STEAP2: variants seen among roughly 807,000 people sequenced by gnomAD.
STEAP2 encodes metalloreductase STEAP2.
Under a neutral mutation model 46.4 loss-of-function variants are expected in STEAP2, and 30 were observed. That is an observed-to-expected ratio of 0.65 (90% CI 0.48 to 0.88). STEAP2 has a LOEUF of 0.88. Ranked by LOEUF, STEAP2 falls within the 40% of genes least tolerant of loss-of-function variation. The pLI is 0.00. For synonymous variants in STEAP2, 180 were observed against 200.5 expected (o/e 0.90, Z 0.86); for missense variants, 513 against 579.3 (o/e 0.89, Z 1.18).
intron 1 of STEAP2, chr7:90,213,908 G>A (rs1794914167): frequency 6.6e-6 from 1 of 152,212 alleles, no homozygotes; most frequent in Non-Finnish European, 1.5e-5. Flanking sequence ...GAATGCTGTG[G>A]GTGGACAATA....
In STEAP2 at chr7:90,236,519, A is replaced by G. The variant is rs966575919; in HGVS notation, c.*3895A>G. On this transcript the variant is annotated 3_prime_UTR_variant, in exon 6 of 6. Transcript: ENST00000394621. ...AAATTCTGATGTACATTCAGGACAA[A>G]TGATTAGCCCTAAATGAAACTGTAA... 4.9e-5 allele frequency: 50 copies of G among 1,018,348 alleles called. No individual in the cohort carries two copies. In the Admixed American group the frequency reaches 1.3e-3, roughly 26 times the overall value. 63.1% of individuals were successfully genotyped at this position (1,018,348 alleles called of 1,614,324 possible). A position where few individuals can be genotyped will look rare whatever the true frequency, so the allele number is the denominator to read the frequency against.
chr7:90,226,526 G>A (rs1795495590), intron 3 of STEAP2, among the ~76,000 whole-genome samples: 1 of 152,066 alleles, frequency 6.6e-6, no homozygotes, highest in African/African-American at 2.4e-5. Context: ...AATAGGATTT[G>A]TCATTCATCT....
At position 90,216,548 on chromosome 7, in the gene STEAP2, T is replaced by C. The variant is rs1191035454; in HGVS notation, c.-89T>C. 1.3e-5 allele frequency: 2 copies of C among 152,166 alleles called. No individual in the cohort carries two copies. The highest frequency in any genetic ancestry group is 2.9e-5 in the Non-Finnish European group (2 of 68,024). 9.4% of individuals were successfully genotyped at this position (152,166 alleles called of 1,614,324 possible). A position where few individuals can be genotyped will look rare whatever the true frequency, so the allele number is the denominator to read the frequency against. ...TGGACCTTCTGATACTGCTCCTCCT[T>C]GCGTGGAAAAGGGGAAAGAACTGCA... is the stretch of plus-strand genomic sequence containing the variant. On this transcript the variant is annotated 5_prime_UTR_variant, in exon 2 of 6. Coordinates refer to ENST00000394621, the MANE Select transcript of STEAP2 (RefSeq NM_001244944.2).
Position 90,233,700 on chromosome 7 carries a change from G to A in STEAP2, c.*1076G>A. 1.1e-6 allele frequency: 1 copy of A among 945,626 alleles called. No homozygotes were observed. The highest frequency in any genetic ancestry group is 1.3e-6 in the Non-Finnish European group (1 of 793,968). 58.6% of individuals were successfully genotyped at this position (945,626 alleles called of 1,614,324 possible). Reference sequence around the variant, plus strand: ...TCAAAGGTCTTGCAGTTAATAAATGGCAGAGTGAGCATTCAAGTCCAGGTA... The same window carrying A: ...TCAAAGGTCTTGCAGTTAATAAATGACAGAGTGAGCATTCAAGTCCAGGTA... On this transcript the variant is annotated 3_prime_UTR_variant, in exon 6 of 6. Coordinates refer to ENST00000394621, the MANE Select transcript of STEAP2 (RefSeq NM_001244944.2).
rs759585571 is a variant in STEAP2 at position 90,225,317 on chromosome 7, C to G, written c.235C>G (p.His79Asp). The G allele has an allele frequency of 5.6e-6, 9 of 1,613,982 alleles. No individual in the cohort carries two copies. The highest frequency in any genetic ancestry group is 6.8e-6 in the Non-Finnish European group (8 of 1,179,950). The change falls in exon 3 of 6, where the codon CAT becomes GAT. Residue 79 changes from histidine to aspartate, a missense_variant. Coordinates refer to ENST00000394621, the MANE Select transcript of STEAP2 (RefSeq NM_001244944.2). ...TCCTCATGTGGTAGATGTCACTCAT[C>G]ATGAAGATGCTCTCACAAAAACAAA... Reference protein sequence around the residue: ...FFPHVVDVTHHEDALTKTNII... With the variant: ...FFPHVVDVTHDEDALTKTNII...
chr7:90,217,727 C>A (rs72615118), intron 2 of STEAP2, among the ~76,000 whole-genome samples: 85 of 79,750 alleles, frequency 1.1e-3, no homozygotes, highest in East Asian at 4.4e-3. Context: ...AAAAAAAAAA[C>A]ATGTGAGGAC....
chr7:90,212,109 G>C (rs1006620395), intron 1 of STEAP2, 64 bp downstream of exon 1: 2 of 152,464 alleles, frequency 1.3e-5, no homozygotes, highest in African/African-American at 4.8e-5. Context: ...TCAAGATGCA[G>C]TCTGCGCCAC....
Position 90,232,612 on chromosome 7 carries a change from C to T in STEAP2, c.1461C>T (p.Val487=). Residue 487 remains valine, a synonymous_variant, in exon 6 of 6, where the codon GTC becomes GTT. Transcript: ENST00000394621. ...TTCCTCATGTCTCCCCGGAGAGGGTCACAGTAATGTGATGACAAATGGTGT... is the reference window on the plus strand; with the variant it reads ...TTCCTCATGTCTCCCCGGAGAGGGTTACAGTAATGTGATGACAAATGGTGT... ...GTIPHVSPER[V]TVM is the part of the protein sequence containing the mutation. 1 of 1,609,952 alleles carries T rather than the reference C, an allele frequency of 6.2e-7. No homozygotes were observed. The highest frequency in any genetic ancestry group is 8.5e-7 in the Non-Finnish European group (1 of 1,177,810).
rs1378445697 is a variant in STEAP2 at position 90,234,018 on chromosome 7, TAAC to T, written c.*1397_*1399del. 1.0e-6 allele frequency: 1 copy of T among 985,278 alleles called. No homozygotes were observed. Among genetic ancestry groups the T allele is most frequent in the Non-Finnish European group, 1.2e-6 (1 of 829,934 alleles). The allele number at this position is 985,278 out of a possible 1,614,324, so 61.0% of individuals were successfully genotyped here. A position where few individuals can be genotyped will look rare whatever the true frequency, so the allele number is the denominator to read the frequency against. ...ATGCAGTGAAGGGCCCTAGCAGTGT[TAAC>T]AAATTGCTGAGATCCCACGGAGTCT... is the stretch of plus-strand genomic sequence containing the variant. On this transcript the variant is annotated 3_prime_UTR_variant, in exon 6 of 6. Transcript: ENST00000394621.
intron 2 of STEAP2, among the ~76,000 whole-genome samples, chr7:90,222,598 G>A (rs1291148627): frequency 6.6e-6 from 1 of 152,068 alleles, no homozygotes; most frequent in Admixed American, 6.6e-5. Context: ...TACAAAGTGG[G>A]TATGACAGTA....
Position 90,233,903 on chromosome 7 carries a change from A to C in STEAP2, c.*1279A>C, listed in dbSNP as rs1271015108. 1 of 984,808 alleles carries C rather than the reference A, an allele frequency of 1.0e-6. No homozygotes were observed. The highest frequency in any genetic ancestry group is 1.1e-4 in the East Asian group (1 of 8,824). 61.0% of individuals were successfully genotyped at this position (984,808 alleles called of 1,614,324 possible). On this transcript the variant is annotated 3_prime_UTR_variant, in exon 6 of 6. Coordinates refer to ENST00000394621, the MANE Select transcript of STEAP2 (RefSeq NM_001244944.2). The stretch of plus-strand genomic sequence containing the variant: ...ATAAAAATATTATTATAATAAACTT[A>C]TTACTGCTTGTAGGGTAATTCACAG...
Position 90,235,435 on chromosome 7 carries a change from T to C in STEAP2, c.*2811T>C, listed in dbSNP as rs971324934. The C allele has an allele frequency of 1.1e-4, 105 of 983,662 alleles. No homozygotes were observed. The highest frequency in any genetic ancestry group is 1.3e-4 in the Non-Finnish European group (104 of 828,426). The allele number at this position is 983,662 out of a possible 1,614,324, so 60.9% of individuals were successfully genotyped here. A position where few individuals can be genotyped will look rare whatever the true frequency, so the allele number is the denominator to read the frequency against. On this transcript the variant is annotated 3_prime_UTR_variant, in exon 6 of 6. Transcript: ENST00000394621. ...TCTTAATTGTTATTTTTTATAATCA[T>C]TATTTTTCTGAACCATTCTTCTGGC...
Position 90,227,416 on chromosome 7 carries a change from C to G in STEAP2, c.938C>G (p.Ala313Gly), listed in dbSNP as rs766811332. 1.4e-5 allele frequency: 23 copies of G among 1,612,568 alleles called. No individual in the cohort carries two copies. The highest frequency in any genetic ancestry group is 1.7e-4 in the Middle Eastern group (1 of 6,046). Residue 313 changes from alanine to glycine, a missense_variant, in exon 4 of 6, where the codon GCT (alanine) becomes GGT (glycine). Coordinates refer to ENST00000394621, the MANE Select transcript of STEAP2 (RefSeq NM_001244944.2). The stretch of plus-strand genomic sequence containing the variant: ...CTTGGATTACTAAGTTTTTTCTTCG[C>G]TATGGTCCATGTTGCCTACAGCCTC... ...KQLGLLSFFF[A>G]MVHVAYSLCL... is the part of the protein sequence containing the mutation.
Position 90,227,425 on chromosome 7 carries a change from A to G in STEAP2, c.947A>G (p.His316Arg), listed in dbSNP as rs757224618. The G allele has an allele frequency of 3.1e-6, 5 of 1,611,278 alleles. No homozygotes were observed. The highest frequency in any genetic ancestry group is 2.2e-5 in the East Asian group (1 of 44,792). Residue 316 changes from histidine (H) to arginine (R), a missense_variant, in exon 4 of 6, where the codon CAT (histidine) becomes CGT (arginine). Transcript: ENST00000394621. ...CTAAGTTTTTTCTTCGCTATGGTCC[A>G]TGTTGCCTACAGCCTCTGCTTACCG... Reference protein sequence around the residue: ...GLLSFFFAMVHVAYSLCLPMR... With the variant: ...GLLSFFFAMVRVAYSLCLPMR...
intron 2 of STEAP2, among the ~76,000 whole-genome samples, chr7:90,218,211 T>C (rs1795109886): frequency 1.3e-5 from 2 of 152,174 alleles, no homozygotes; most frequent in South Asian, 4.1e-4. Context: ...TTCTATTCAA[T>C]AGGTGGTCTC....
chr7:90,224,597 T>G (rs1004257504), intron 2 of STEAP2, among the ~76,000 whole-genome samples: 1 of 152,176 alleles, frequency 6.6e-6, no homozygotes, highest in Non-Finnish European at 1.5e-5. Context: ...AGCCAAGTAG[T>G]CTCCTGGGCT....
Position 90,235,034 on chromosome 7 carries a change from A to T in STEAP2, c.*2410A>T. The T allele has an allele frequency of 1.0e-6, 1 of 952,842 alleles. No individual in the cohort carries two copies. Among genetic ancestry groups the T allele is most frequent in the Non-Finnish European group, 1.2e-6 (1 of 800,026 alleles). 59.0% of individuals were successfully genotyped at this position (952,842 alleles called of 1,614,324 possible). On this transcript the variant is annotated 3_prime_UTR_variant, in exon 6 of 6. Transcript: ENST00000394621. Reference sequence around the variant, plus strand: ...AACAGCGTATTTTCAATATTTTCTTATTCCTTAAATTCCACTCTTTTAACA... The same window carrying T: ...AACAGCGTATTTTCAATATTTTCTTTTTCCTTAAATTCCACTCTTTTAACA...
chr7:90,237,803 TC>T (rs1403232570), downstream of STEAP2: 1 of 257,654 alleles, frequency 3.9e-6, no homozygotes, highest in African/African-American at 2.2e-5. Context: ...TAGAAAAACC[TC>T]CATTTACATT....
chr7:90,232,603 G>A lies in STEAP2; in HGVS notation c.1452G>A (p.Pro484=), dbSNP rs201134508. 179 of 1,611,776 alleles carry A rather than the reference G, an allele frequency of 1.1e-4. No individual in the cohort carries two copies. Among genetic ancestry groups the A allele is most frequent in the Middle Eastern group, 9.9e-4 (6 of 6,050 alleles). The part of the protein sequence containing the change: ...GMGGTIPHVS[P]ERVTVM ...GAGGAACAATTCCTCATGTCTCCCC[G>A]GAGAGGGTCACAGTAATGTGATGAC... Residue 484 remains proline, a synonymous_variant, in exon 6 of 6, where the codon CCG becomes CCA. Transcript: ENST00000394621.
Sources: allele counts gnomAD v4.1 joint callset (sites outside exome capture counted in the v4.1 genomes callset), GRCh38; gene constraint gnomAD v4.1.1; transcripts MANE v1.5; gene names NCBI Gene and HGNC (gene_info 2026-07-23, HGNC 2026-07-21).